The following SPOCK1 variants were observed in gnomAD, a reference collection of about 807,000 sequenced individuals.
The protein encoded by SPOCK1 is testican-1.
In SPOCK1, 23 loss-of-function variants were observed where a neutral mutation model predicts 55.3. The ratio of observed to expected loss-of-function variants is 0.42; its 90% CI spans 0.30 to 0.59. The LOEUF is 0.59. Ranked by LOEUF, SPOCK1 falls within the 20% of genes least tolerant of loss-of-function variation. The pLI is 0.22. For missense variants in SPOCK1, 499 were observed against 552.5 expected (o/e 0.90, Z 0.97); for synonymous variants, 226 against 221.0 (o/e 1.02, Z -0.20).
chr5:137,476,476 T>C (rs1161364187), intron 2 of SPOCK1, among the ~76,000 whole-genome samples: 3 of 152,292 alleles, frequency 2.0e-5, no homozygotes, highest in Admixed American at 6.5e-5. Flanking sequence ...GTGGAAGGAA[T>C]AGGTCAGTGA....
rs75751427 is a variant in SPOCK1, at chr5:137,197,308, G to A, written c.233-56614C>T. Among the ~76,000 whole-genome samples the A allele has an allele frequency of 5.9e-3, 891 of 152,262 alleles. 12 individuals carry two copies. The highest frequency in any genetic ancestry group is 0.02 in the African/African-American group (851 of 41,538). On this transcript the variant is annotated intron_variant, in intron 3 of 10. Coordinates refer to ENST00000394945, the MANE Select transcript of SPOCK1 (RefSeq NM_004598.4). ...TAAAAAGATGTGGCTGAGGAAGATC[G>A]AGATACTCTGGGAGATGAGGGATGA...
At position 137,331,674 on chromosome 5, in the gene SPOCK1, C is replaced by T. The variant is rs180769932; in HGVS notation, c.187-64619G>A. ...ACAGAAAGAAAGGAGAGGTCCCAGA[C>T]GCTTCTAAACAACCAGGTCTTGGTG... is the stretch of plus-strand genomic sequence containing the variant. On this transcript the variant is annotated intron_variant, in intron 2 of 10. Transcript: ENST00000394945. 1.5e-3 allele frequency among the ~76,000 whole-genome samples: 221 copies of T among 152,132 alleles called. 1 individual carries two copies. The Middle Eastern group carries it at 0.017, about 12-fold the overall frequency.
At chr5:137,331,908 T>G (rs1046521239) in intron 2 of SPOCK1, among the ~76,000 whole-genome samples, 2 of 152,148 alleles carry the variant, frequency 1.3e-5, no homozygotes, top group African/African-American at 4.8e-5. Flanking sequence ...GACCCATCAT[T>G]GACCTTCAAG....
chr5:137,313,615 C>T, intron 2 of SPOCK1: 1 of 333,870 alleles, frequency 3.0e-6, no homozygotes. Flanking sequence ...CATATTGCTA[C>T]TTTGCACAAA....
chr5:137,447,423 TTCTG>T (rs1753152201), intron 2 of SPOCK1, among the ~76,000 whole-genome samples: 1 of 152,240 alleles, frequency 6.6e-6, no homozygotes. Flanking sequence ...CTAGTTCTGT[TTCTG>T]TCTGAGGAGA....
chr5:137,166,105 C>T (rs1412112139), intron 3 of SPOCK1, among the ~76,000 whole-genome samples: 1 of 152,020 alleles, frequency 6.6e-6, no homozygotes, highest in African/African-American at 2.4e-5. Context: ...AGAAGACTAC[C>T]TCAGGACATC....
rs761502464 is a variant in SPOCK1 at position 137,101,266 on chromosome 5, C to G, written c.474+11169G>C. Among the ~76,000 whole-genome samples, 46 of 152,150 alleles carry G rather than the reference C, an allele frequency of 3.0e-4. 1 individual carries two copies. The highest frequency in any genetic ancestry group is 5.7e-4 in the Non-Finnish European group (39 of 68,016). On this transcript the variant is annotated intron_variant, in intron 5 of 10. Coordinates refer to ENST00000394945, the MANE Select transcript of SPOCK1 (RefSeq NM_004598.4). ...GTGTCTATTCATTCTGGCCAGGGAC[C>G]TTTCTGTCTTTTAAAGGATTGGTAG... is the stretch of plus-strand genomic sequence containing the variant.
At chr5:137,229,682 G>GACCA (rs1030952224) in intron 3 of SPOCK1, among the ~76,000 whole-genome samples, 6 of 152,198 alleles carry the variant, frequency 3.9e-5, no homozygotes, top group African/African-American at 1.4e-4. Flanking sequence ...TGGCACCAGG[G>GACCA]ACCAGTTCGT....
At chr5:137,214,806 A>C (rs1755684067) in intron 3 of SPOCK1, among the ~76,000 whole-genome samples, 1 of 152,208 alleles carries the variant, frequency 6.6e-6, no homozygotes, top group Non-Finnish European at 1.5e-5. Context: ...AGATGACATG[A>C]GGCAGAATTT....
intron 2 of SPOCK1, among the ~76,000 whole-genome samples, chr5:137,385,108 C>T (rs1751572402): frequency 6.6e-6 from 1 of 152,188 alleles, no homozygotes; most frequent in South Asian, 2.1e-4. Flanking sequence ...TTATCACAGT[C>T]ATAATCTTCA....
At chr5:137,284,777 T>A (rs1647202128) in intron 2 of SPOCK1, among the ~76,000 whole-genome samples, 1 of 152,126 alleles carries the variant, frequency 6.6e-6, no homozygotes, top group African/African-American at 2.4e-5. Flanking sequence ...TGCAAATGAC[T>A]CCTCTTTGGG....
At chr5:137,358,345 C>A (rs762790771) in intron 2 of SPOCK1, among the ~76,000 whole-genome samples, 1 of 150,222 alleles carries the variant, frequency 6.7e-6, no homozygotes, top group Admixed American at 6.7e-5. Flanking sequence ...CATCTCTTAC[C>A]CCTGATCTGT....
chr5:137,240,003 T>C (rs372434675), intron 3 of SPOCK1, among the ~76,000 whole-genome samples: 1 of 152,218 alleles, frequency 6.6e-6, no homozygotes, highest in Non-Finnish European at 1.5e-5. Flanking sequence ...AGCTTCCTTA[T>C]ATGCAAACTT....
intron 6 of SPOCK1, among the ~76,000 whole-genome samples, chr5:137,018,787 T>A (rs1751503131): frequency 6.6e-6 from 1 of 152,172 alleles, no homozygotes; most frequent in African/African-American, 2.4e-5. Context: ...ATTTTTAAAA[T>A]TTTAAAAAAA....
chr5:137,223,054 C>T (rs147996127), intron 3 of SPOCK1, among the ~76,000 whole-genome samples: 4 of 151,784 alleles, frequency 2.6e-5, no homozygotes, highest in South Asian at 4.2e-4. Context: ...CCTACTCTTA[C>T]GGAGCTAATA....
At chr5:137,038,204 A>G (rs1162269130) in intron 6 of SPOCK1, among the ~76,000 whole-genome samples, 1 of 152,208 alleles carries the variant, frequency 6.6e-6, no homozygotes, top group African/African-American at 2.4e-5. Context: ...TTTTGTCACC[A>G]AAGTCTGAGA....
chr5:137,133,387 T>A (rs978375204), intron 4 of SPOCK1, among the ~76,000 whole-genome samples: 3 of 142,258 alleles, frequency 2.1e-5, no homozygotes, highest in Non-Finnish European at 3.1e-5. Context: ...AAAAAAAAAA[T>A]TGTATTTGTA....
intron 3 of SPOCK1, among the ~76,000 whole-genome samples, chr5:137,255,552 GACAAAA>G (rs1756616229): frequency 1.3e-5 from 2 of 151,826 alleles, no homozygotes; most frequent in South Asian, 4.2e-4. Flanking sequence ...ATGAGGCAAA[GACAAAA>G]ACAAAAAAAG....
chr5:137,082,858 C>A (rs1752898374), intron 5 of SPOCK1, among the ~76,000 whole-genome samples: 1 of 152,194 alleles, frequency 6.6e-6, no homozygotes, highest in South Asian at 2.1e-4. Context: ...AAAGTTCAAA[C>A]TAGTCTCCTC....
Sources: allele counts gnomAD v4.1 joint callset (sites outside exome capture counted in the v4.1 genomes callset), GRCh38; gene constraint gnomAD v4.1.1; transcripts MANE v1.5; gene names NCBI Gene and HGNC (gene_info 2026-07-23, HGNC 2026-07-21).